SLC2A2: variants seen among roughly 807,000 people sequenced by gnomAD.
SLC2A2 encodes solute carrier family 2 member 2, also known as solute carrier family 2, facilitated glucose transporter member 2.
SLC2A2 carries 36 observed loss-of-function variants against 54.5 expected under a neutral mutation model. The observed-to-expected ratio is 0.66, with a 90% CI of 0.51 to 0.87. The LOEUF (loss-of-function observed/expected upper bound fraction) is 0.87. SLC2A2 is among the 40% of genes least tolerant of loss of function. SLC2A2 has a pLI of 0.00. For synonymous variants in SLC2A2, 223 were observed against 219.1 expected (o/e 1.02, Z -0.16); for missense variants, 543 against 624.3 (o/e 0.87, Z 1.39).
At chr3:171,019,812 AAC>A (rs750223885) in intron 1 of SLC2A2, among the ~76,000 whole-genome samples, 1 of 152,174 alleles carries the variant, frequency 6.6e-6, no homozygotes, top group African/African-American at 2.4e-5. Context: ...TAAAAAATCA[AAC>A]AGTTATTTGA....
At chr3:171,000,259 A>G (rs1287763975) in intron 8 of SLC2A2, among the ~76,000 whole-genome samples, 1 of 152,092 alleles carries the variant, frequency 6.6e-6, no homozygotes, top group Non-Finnish European at 1.5e-5. Context: ...GTTGGAAAAA[A>G]CAGACTTTTC....
intron 1 of SLC2A2, among the ~76,000 whole-genome samples, chr3:171,020,399 T>A (rs1473567363): frequency 6.6e-6 from 1 of 152,032 alleles, no homozygotes; most frequent in African/African-American, 2.4e-5. Context: ...GGATAGGGAA[T>A]CTGTAGGTTT....
chr3:171,010,129 C>G, intron 3 of SLC2A2, 47 bp from the exon 4 acceptor site: 1 of 1,592,724 alleles, frequency 6.3e-7, no homozygotes, highest in South Asian at 1.1e-5. Flanking sequence ...TCAAAACTTG[C>G]TAAAATTATT....
intron 9 of SLC2A2, 38 bp from the exon 10 acceptor site, chr3:170,998,434 C>T: frequency 1.9e-6 from 3 of 1,560,358 alleles, no homozygotes; most frequent in Non-Finnish European, 2.6e-6. Context: ...GGACTGAGAT[C>T]ATTTGGCTGC....
chr3:171,009,074 C>A (rs529724017), intron 4 of SLC2A2, among the ~76,000 whole-genome samples: 2 of 152,168 alleles, frequency 1.3e-5, no homozygotes, highest in South Asian at 4.1e-4. Flanking sequence ...CCTTGAAAGG[C>A]AACTACGTCT....
rs547210495 is a variant in SLC2A2 at position 171,019,367 on chromosome 3, AG to A, written c.16-745del. 2.9e-3 allele frequency among the ~76,000 whole-genome samples: 437 copies of A among 152,112 alleles called. 1 individual carries two copies. Among genetic ancestry groups the A allele is most frequent in the South Asian group, 0.011 (55 of 4,804 alleles). Reference sequence around the variant, plus strand: ...TTTATCATGTTCCGCATCAACATCCAGGGAAGGGTACTTTTCAGGATTTGCA... The same window carrying A: ...TTTATCATGTTCCGCATCAACATCCAGGAAGGGTACTTTTCAGGATTTGCA... On this transcript the variant is annotated intron_variant, in intron 1 of 10. Transcript: ENST00000314251.
chr3:171,007,250 G>C lies in SLC2A2; in HGVS notation c.510C>G (p.Gly170=), dbSNP rs1715659329. The part of the protein sequence containing the change: ...ISGLYCGLIS[G]LVPMYIGEIA... ...TTTCACCGATATACATAGGAACCAG[G>C]CCTGAAATTAGCCCTGCATGAAACA... is the stretch of plus-strand genomic sequence containing the variant. The change falls in exon 5 of 11, where the codon GGC becomes GGG. Residue 170 remains glycine, a synonymous_variant. Coordinates refer to ENST00000314251, the MANE Select transcript of SLC2A2 (RefSeq NM_000340.2). The C allele has an allele frequency of 6.2e-7, 1 of 1,604,814 alleles. No individual in the cohort carries two copies.
At chr3:171,020,839 G>A (rs1466518410) in intron 1 of SLC2A2, among the ~76,000 whole-genome samples, 1 of 151,572 alleles carries the variant, frequency 6.6e-6, no homozygotes, top group Non-Finnish European at 1.5e-5. Context: ...AGCTATGATT[G>A]CACCACCATA....
At chr3:171,002,332 C>T (rs1454581515) in intron 8 of SLC2A2, among the ~76,000 whole-genome samples, 2 of 151,968 alleles carry the variant, frequency 1.3e-5, no homozygotes, top group Admixed American at 1.3e-4. Flanking sequence ...TAAAAATTCA[C>T]AAATGAGTGA....
intron 1 of SLC2A2, among the ~76,000 whole-genome samples, chr3:171,021,268 T>G (rs961598066): frequency 6.6e-6 from 1 of 152,058 alleles, no homozygotes; most frequent in Non-Finnish European, 1.5e-5. Context: ...GGATAAGGAG[T>G]ACCCTGGGAG....
intron 2 of SLC2A2, among the ~76,000 whole-genome samples, chr3:171,016,918 T>G (rs1312907604): frequency 1.3e-5 from 2 of 151,600 alleles, no homozygotes; most frequent in East Asian, 3.9e-4. Flanking sequence ...CAATGTGCGA[T>G]TGCAGCTCAT....
chr3:171,014,633 T>C lies in SLC2A2; in HGVS notation c.207A>G (p.Thr69=), dbSNP rs1258702550. The C allele has an allele frequency of 6.2e-7, 1 of 1,614,134 alleles. No individual in the cohort carries two copies. Among genetic ancestry groups the C allele is most frequent in the Admixed American group, 1.7e-5 (1 of 60,022 alleles). ...GTTTTGGGTTCATTGAGTATGAGATTGTGGGCAGTTCATCTGTACTGTTGA... is the reference window on the plus strand; with the variant it reads ...GTTTTGGGTTCATTGAGTATGAGATCGTGGGCAGTTCATCTGTACTGTTGA... ...YVINSTDELP[T]ISYSMNPKPT... is the part of the protein sequence containing the mutation. The change falls in exon 3 of 11, where the codon ACA becomes ACG. Residue 69 remains threonine (T), a synonymous_variant. Coordinates refer to ENST00000314251, the MANE Select transcript of SLC2A2 (RefSeq NM_000340.2).
At position 170,998,401 on chromosome 3, in the gene SLC2A2, G is replaced by A; in HGVS notation, c.1171-5C>T. On this transcript the variant is annotated splice_polypyrimidine_tract_variant and splice_region_variant and intron_variant, in intron 9 of 10. Coordinates refer to ENST00000314251, the MANE Select transcript of SLC2A2 (RefSeq NM_000340.2). ...ACTCATCCAAGAGAACTTATTCTGAGGAAAAAAACAAAAACAATAGTGGGA... is the reference window on the plus strand; with the variant it reads ...ACTCATCCAAGAGAACTTATTCTGAAGAAAAAAACAAAAACAATAGTGGGA... The A allele has an allele frequency of 1.2e-6, 2 of 1,612,524 alleles. No individual in the cohort carries two copies. The highest frequency in any genetic ancestry group is 1.3e-5 in the African/African-American group (1 of 74,954).
chr3:171,020,277 AATT>A (rs1716393618), intron 1 of SLC2A2, among the ~76,000 whole-genome samples: 1 of 152,146 alleles, frequency 6.6e-6, no homozygotes, highest in African/African-American at 2.4e-5. Context: ...GAGCCCTTGA[AATT>A]ATTTAGTCCA....
chr3:171,003,917 C>T (rs899333099), intron 7 of SLC2A2, among the ~76,000 whole-genome samples: 3 of 152,014 alleles, frequency 2.0e-5, no homozygotes, highest in Non-Finnish European at 4.4e-5. Context: ...TGCATTTAAT[C>T]CAGAAAATTT....
intron 3 of SLC2A2, among the ~76,000 whole-genome samples, chr3:171,012,111 C>T (rs898871028): frequency 3.3e-5 from 5 of 151,906 alleles, no homozygotes; most frequent in Admixed American, 1.3e-4. Flanking sequence ...TGGTCATTGT[C>T]GTCATCATCA....
At chr3:171,012,112 GTCATCATCA>G (rs554180180) in intron 3 of SLC2A2, among the ~76,000 whole-genome samples, 5 of 151,718 alleles carry the variant, frequency 3.3e-5, no homozygotes, top group South Asian at 2.1e-4. Flanking sequence ...GGTCATTGTC[GTCATCATCA>G]TCATCATCAT....
At chr3:171,016,280 C>T (rs1390534075) in intron 2 of SLC2A2, among the ~76,000 whole-genome samples, 2 of 152,088 alleles carry the variant, frequency 1.3e-5, no homozygotes, top group Non-Finnish European at 2.9e-5. Context: ...ACTAAAGATA[C>T]AATAAATTAG....
chr3:171,009,936 T>A, intron 4 of SLC2A2, 22 bp downstream of exon 4: 2 of 1,571,858 alleles, frequency 1.3e-6, no homozygotes, highest in South Asian at 2.3e-5. Context: ...TGTGTGTGTG[T>A]GTGTGTGTGT....
Sources: gnomAD v4.1 joint callset for allele counts (sites outside exome capture counted in the v4.1 genomes callset) on GRCh38, gnomAD v4.1.1 for gene constraint, MANE v1.5 for transcripts, NCBI Gene and HGNC (gene_info 2026-07-23, HGNC 2026-07-21) for gene names.